NSMAF: variants seen among roughly 807,000 people sequenced by gnomAD.
NSMAF encodes neutral sphingomyelinase activation associated factor.
A neutral mutation model predicts 134.9 loss-of-function variants in NSMAF; 90 were observed. The ratio of observed to expected loss-of-function variants is 0.67; its 90% CI spans 0.56 to 0.79. NSMAF has a LOEUF of 0.79. NSMAF is among the 30% of genes least tolerant of loss of function. NSMAF has a pLI of 0.00. For missense variants in NSMAF, 1,010 were observed against 1,119.0 expected, an observed-to-expected ratio of 0.90 and a Z score of 1.39; for synonymous variants, 358 against 389.6, an observed-to-expected ratio of 0.92 and a Z score of 0.96.
intron 25 of NSMAF, 118 bp downstream of exon 25, chr8:58,589,889 C>T: frequency 1.3e-6 from 1 of 778,964 alleles, no homozygotes; most frequent in Non-Finnish European, 2.1e-6. Flanking sequence ...AATATCTGTT[C>T]CCTTTAGAAA....
chr8:58,637,275 T>G, intron 2 of NSMAF: 1 of 454,912 alleles, frequency 2.2e-6, no homozygotes, highest in Non-Finnish European at 4.4e-6. Context: ...CTCACAGATT[T>G]CCTGCCTCTG....
chr8:58,601,547 A>G lies in NSMAF; in HGVS notation c.1126-12T>C, dbSNP rs770611337. 5 of 913,892 alleles carry G rather than the reference A, an allele frequency of 5.5e-6. No individual in the cohort carries two copies. In the South Asian group the frequency reaches 5.6e-5, roughly 10 times the overall value. 56.6% of individuals were successfully genotyped at this position (913,892 alleles called of 1,614,324 possible). A position where few individuals can be genotyped will look rare whatever the true frequency, so the allele number is the denominator to read the frequency against. On this transcript the variant is annotated splice_polypyrimidine_tract_variant and intron_variant, in intron 14 of 30. Transcript: ENST00000038176. ...TCCTGGTAGCGTGTCTAGAATACAG[A>G]AAAAAAAAAAAAATAGAGCTAAGTG...
chr8:58,591,738 C>T (rs1008477569), intron 23 of NSMAF, among the ~76,000 whole-genome samples: 15 of 152,004 alleles, frequency 9.9e-5, no homozygotes, highest in Admixed American at 6.6e-5. Flanking sequence ...CCGCCCCCTT[C>T]GGCCTCCCAA....
At chr8:58,617,448 TCAAA>T (rs1806685650) in intron 9 of NSMAF, among the ~76,000 whole-genome samples, 1 of 151,700 alleles carries the variant, frequency 6.6e-6, no homozygotes, top group Non-Finnish European at 1.5e-5. Context: ...TACAAAGAAC[TCAAA>T]CAAATTTACA....
chr8:58,626,091 C>CT (rs1225264071), intron 6 of NSMAF, among the ~76,000 whole-genome samples: 1,562 of 99,390 alleles, frequency 0.016, 59 homozygotes, highest in African/African-American at 0.041. Flanking sequence ...TTATATAATT[C>CT]TTTTTTTTTT....
intron 1 of NSMAF, among the ~76,000 whole-genome samples, chr8:58,656,912 T>C (rs754359976): frequency 6.6e-6 from 1 of 152,160 alleles, no homozygotes; most frequent in Non-Finnish European, 1.5e-5. Context: ...CTAAAAAAAT[T>C]TTAGTATAAG....
chr8:58,610,357 T>C (rs955079121), intron 9 of NSMAF, among the ~76,000 whole-genome samples: 5 of 152,142 alleles, frequency 3.3e-5, no homozygotes, highest in Middle Eastern at 3.2e-3. Context: ...AACAACCAAA[T>C]CATCAACATT....
intron 1 of NSMAF, among the ~76,000 whole-genome samples, chr8:58,644,541 G>GT (rs1321899928): frequency 1.3e-5 from 2 of 152,220 alleles, no homozygotes; most frequent in African/African-American, 4.8e-5. Context: ...TTCAACCATT[G>GT]TGGAAGACAG....
At position 58,609,687 on chromosome 8, in the gene NSMAF, T is replaced by C; in HGVS notation, c.604A>G (p.Met202Val). ...GGATTAGTCACCAGAGGCGTCACCA[T>C]TTCTGCTTTGCATTCCATGTGCAGC... ...EKLHMECKAE[M>V]VTPLVTNPGH... The change falls in exon 10 of 31, where the codon ATG (methionine) becomes GTG (valine). Residue 202 changes from methionine to valine, a missense_variant. Transcript: ENST00000038176. 6.2e-7 allele frequency: 1 copy of C among 1,614,200 alleles called. No individual in the cohort carries two copies. The highest frequency in any genetic ancestry group is 8.5e-7 in the Non-Finnish European group (1 of 1,180,006).
In NSMAF at chr8:58,594,254, A is replaced by C; in HGVS notation, c.1929T>G (p.Ser643=). The C allele has an allele frequency of 6.2e-7, 1 of 1,614,206 alleles. No individual in the cohort carries two copies. The highest frequency in any genetic ancestry group is 8.5e-7 in the Non-Finnish European group (1 of 1,180,016). ...VTGITVSRNG[S]SVFTTSQDST... ...GACCTTGGGATGTTGTGAATACTGA[A>C]GATCCATTGCGAGAGACCGTGATTC... The change falls in exon 23 of 31, where the codon TCT becomes TCG. Residue 643 remains serine, a synonymous_variant. Coordinates refer to ENST00000038176, the MANE Select transcript of NSMAF (RefSeq NM_003580.4).
chr8:58,652,648 G>C (rs757639150), intron 1 of NSMAF, among the ~76,000 whole-genome samples: 22 of 152,130 alleles, frequency 1.4e-4, no homozygotes, highest in Non-Finnish European at 2.2e-4. Context: ...ACCCCAGGGG[G>C]ACAAGGCACA....
chr8:58,600,233 C>T (rs936766043), intron 16 of NSMAF: 24 of 562,724 alleles, frequency 4.3e-5, no homozygotes, highest in Admixed American at 2.9e-4. Flanking sequence ...GGTCACATGG[C>T]GGGAGTGGGC....
At chr8:58,635,635 T>C in intron 2 of NSMAF, 89 bp from the exon 3 acceptor site, 1 of 762,570 alleles carries the variant, frequency 1.3e-6, no homozygotes, top group Non-Finnish European at 2.2e-6. Flanking sequence ...AGCAGGTTAC[T>C]AAAGCATCAC....
At chr8:58,642,918 T>C (rs760495075) in intron 2 of NSMAF, 66 bp downstream of exon 2, 6 of 1,203,424 alleles carry the variant, frequency 5.0e-6, no homozygotes, top group Admixed American at 1.7e-5. Context: ...TGATCACACA[T>C]TTAACTTTAA....
In NSMAF at chr8:58,627,783, T is replaced by C. The variant is rs138598489; in HGVS notation, c.384+3713A>G. ...AGAATCAATATTGTGAAAATGACCA[T>C]ACTGCCTAAAGCAAGCTACAGATTC... On this transcript the variant is annotated intron_variant, in intron 6 of 30. Coordinates refer to ENST00000038176, the MANE Select transcript of NSMAF (RefSeq NM_003580.4). Among the ~76,000 whole-genome samples, 469 of 152,292 alleles carry C rather than the reference T, an allele frequency of 3.1e-3. 2 individuals carry two copies. Among genetic ancestry groups the C allele is most frequent in the Non-Finnish European group, 4.5e-3 (306 of 68,024 alleles).
At chr8:58,639,059 T>G (rs952773448) in intron 2 of NSMAF, among the ~76,000 whole-genome samples, 2 of 151,614 alleles carry the variant, frequency 1.3e-5, no homozygotes, top group Non-Finnish European at 2.9e-5. Context: ...CCGAGGCGGG[T>G]GGTTCACAAG....
At chr8:58,603,540 T>C (rs774708944) in intron 12 of NSMAF, among the ~76,000 whole-genome samples, 154 bp from the exon 13 acceptor site, 1 of 152,212 alleles carries the variant, frequency 6.6e-6, no homozygotes, top group Admixed American at 6.5e-5. Flanking sequence ...TCATAAAGTA[T>C]TTGTTCAGCT....
At chr8:58,653,781 C>T (rs1347120770) in intron 1 of NSMAF, among the ~76,000 whole-genome samples, 1 of 151,966 alleles carries the variant, frequency 6.6e-6, no homozygotes, top group African/African-American at 2.4e-5. Flanking sequence ...CACTGAATTC[C>T]TTAAATGACC....
chr8:58,626,091 CTTTTTT>C (rs1225264071), intron 6 of NSMAF, among the ~76,000 whole-genome samples: 1 of 99,370 alleles, frequency 1.0e-5, no homozygotes. Context: ...TTATATAATT[CTTTTTT>C]TTTTTTTTTT....
Sources: allele counts gnomAD v4.1 joint callset (sites outside exome capture counted in the v4.1 genomes callset), GRCh38; gene constraint gnomAD v4.1.1; transcripts MANE v1.5; gene names NCBI Gene and HGNC (gene_info 2026-07-23, HGNC 2026-07-21).